The following KANSL2 variants were observed in gnomAD, a reference collection of about 807,000 sequenced individuals.
The protein encoded by KANSL2 is KAT8 regulatory NSL complex subunit 2.
A neutral mutation model predicts 55.6 loss-of-function variants in KANSL2; 34 were observed. That is an observed-to-expected ratio of 0.61 (90% CI 0.46 to 0.81). KANSL2 has a LOEUF of 0.81. Ranked by LOEUF, KANSL2 falls within the 40% of genes least tolerant of loss-of-function variation. The probability of loss-of-function intolerance (pLI) is 0.00; values close to 1 mark genes in which losing one functional copy is unlikely to be tolerated. For synonymous variants in KANSL2, 209 were observed against 214.3 expected (o/e 0.98, Z 0.22); for missense variants, 502 against 609.9 (o/e 0.82, Z 1.86).
intron 7 of KANSL2, among the ~76,000 whole-genome samples, chr12:48,664,472 G>T (rs1159181492): frequency 6.6e-6 from 1 of 151,292 alleles, no homozygotes; most frequent in African/African-American, 2.4e-5. Context: ...TAGAGATGGG[G>T]TTTTGCCGTG....
At chr12:48,672,312 A>G (rs1939727959) in intron 4 of KANSL2, among the ~76,000 whole-genome samples, 1 of 150,404 alleles carries the variant, frequency 6.6e-6, no homozygotes, top group Non-Finnish European at 1.5e-5. Flanking sequence ...TTACCAGTCA[A>G]GACAGCTTTA....
rs775198681 is a variant in KANSL2 at position 48,667,737 on chromosome 12, C to T, written c.929G>A (p.Arg310His). Residue 310 changes from arginine (R) to histidine (H), a missense_variant, in exon 7 of 10, where the codon CGT (arginine) becomes CAT (histidine). Arg to His is a conservative substitution (Grantham distance 29). Coordinates refer to ENST00000420613, the MANE Select transcript of KANSL2 (RefSeq NM_017822.4). ...CATTGGAAGAGACTGATTGGAACAA[C>T]GAACATCATCCACAAAGGCCAAGCA... is the stretch of plus-strand genomic sequence containing the variant. ...QRCLAFVDDV[R>H]CSNQSLPMTR... 1.1e-5 allele frequency: 17 copies of T among 1,613,796 alleles called. No homozygotes were observed. The highest frequency in any genetic ancestry group is 1.4e-5 in the Non-Finnish European group (16 of 1,179,764).
At chr12:48,659,789 A>G (rs1342968522) in intron 8 of KANSL2, among the ~76,000 whole-genome samples, 1 of 152,254 alleles carries the variant, frequency 6.6e-6, no homozygotes, top group Non-Finnish European at 1.5e-5. Flanking sequence ...TGGTATTTCC[A>G]AACAATGGAA....
chr12:48,664,019 A>C (rs967464928), intron 7 of KANSL2, among the ~76,000 whole-genome samples: 2 of 143,970 alleles, frequency 1.4e-5, no homozygotes, highest in African/African-American at 2.6e-5. Flanking sequence ...GGTTCAAGCG[A>C]TTCTCCTGCC....
chr12:48,676,945 T>G (rs1406744877), intron 4 of KANSL2, among the ~76,000 whole-genome samples: 1 of 152,132 alleles, frequency 6.6e-6, no homozygotes, highest in Non-Finnish European at 1.5e-5. Flanking sequence ...AAGACACTGG[T>G]GCCCTAAGAT....
chr12:48,666,626 G>A (rs1711978615), intron 7 of KANSL2, among the ~76,000 whole-genome samples: 2 of 151,966 alleles, frequency 1.3e-5, no homozygotes, highest in Admixed American at 6.6e-5. Flanking sequence ...CCAGGAGGTG[G>A]AAGTTGCAGT....
intron 7 of KANSL2, among the ~76,000 whole-genome samples, chr12:48,666,949 G>A (rs750418962): frequency 7.2e-5 from 11 of 152,048 alleles, no homozygotes; most frequent in Non-Finnish European, 1.6e-4. Context: ...GGGAAGCCAA[G>A]GCGGGTGGAT....
At chr12:48,666,200 G>C (rs111720759) in intron 7 of KANSL2, among the ~76,000 whole-genome samples, 5,112 of 152,090 alleles carry the variant, frequency 0.034, 315 homozygotes, top group African/African-American at 0.12. Context: ...AACAGAGTAA[G>C]ACTCTGTCTC....
chr12:48,662,737 T>G, intron 7 of KANSL2: 1 of 889,280 alleles, frequency 1.1e-6, no homozygotes, highest in Non-Finnish European at 1.5e-6. Context: ...AAAAAAATAC[T>G]TCCCTTCTCT....
rs1251545506 is a variant in KANSL2, at chr12:48,679,712, T to C, written c.373A>G (p.Thr125Ala). 6 of 1,613,296 alleles carry C rather than the reference T, an allele frequency of 3.7e-6. No homozygotes were observed. The highest frequency in any genetic ancestry group is 5.1e-6 in the Non-Finnish European group (6 of 1,179,608). The change falls in exon 3 of 10, where the codon ACA becomes GCA. Residue 125 changes from threonine (T) to alanine (A), a missense_variant. Coordinates refer to ENST00000420613, the MANE Select transcript of KANSL2 (RefSeq NM_017822.4). ...LLCQLSSYAK[T>A]ELGSQTPESS... ...TCTGGAGTCTGAGACCCCAGCTCTG[T>C]CTTAGCATATGAGCTCAGCTGGCAC...
At chr12:48,677,466 C>T (rs149584445) in intron 4 of KANSL2, among the ~76,000 whole-genome samples, 2 of 152,142 alleles carry the variant, frequency 1.3e-5, no homozygotes, top group Non-Finnish European at 2.9e-5. Flanking sequence ...GCAAGTTTGG[C>T]CATCTAGAAC....
In KANSL2 at chr12:48,662,540, G is replaced by C. The variant is rs1247068646; in HGVS notation, c.974-1921C>G. 3.2e-6 allele frequency: 4 copies of C among 1,258,042 alleles called. No individual in the cohort carries two copies. The East Asian group carries it at 2.5e-4, about 77-fold the overall frequency. The allele number at this position is 1,258,042 out of a possible 1,614,324, so 77.9% of individuals were successfully genotyped here. On this transcript the variant is annotated intron_variant, in intron 7 of 9. Coordinates refer to ENST00000420613, the MANE Select transcript of KANSL2 (RefSeq NM_017822.4). ...TCAGATGGGGCAAAAGAGGTAAAAA[G>C]AAGGGAATGGTTAACCTACAACTAG...
At position 48,654,145 on chromosome 12, in the gene KANSL2, T is replaced by C; in HGVS notation, c.1378A>G (p.Arg460Gly). The change falls in exon 10 of 10, where the codon AGA becomes GGA. Residue 460 changes from arginine to glycine, a missense_variant. Transcript: ENST00000420613. ...TCAGAATTTCGAGATCCCTGGGATCTGCACCCATCTCCAGCCATCTGCATC... is the reference window on the plus strand; with the variant it reads ...TCAGAATTTCGAGATCCCTGGGATCCGCACCCATCTCCAGCCATCTGCATC... ...GQMQMAGDGC[R>G]SQGSRNSEKA... 6.2e-7 allele frequency: 1 copy of C among 1,612,074 alleles called. No homozygotes were observed. Among genetic ancestry groups the C allele is most frequent in the Non-Finnish European group, 8.5e-7 (1 of 1,179,262 alleles).
chr12:48,667,119 G>A (rs1939615976), intron 7 of KANSL2, among the ~76,000 whole-genome samples: 1 of 150,606 alleles, frequency 6.6e-6, no homozygotes, highest in Admixed American at 6.6e-5. Context: ...GTGAGGTGGA[G>A]GTTGCAGTGA....
At chr12:48,663,361 T>G (rs1322997544) in intron 7 of KANSL2, among the ~76,000 whole-genome samples, 2 of 152,230 alleles carry the variant, frequency 1.3e-5, no homozygotes, top group African/African-American at 4.8e-5. Flanking sequence ...TGAAATTCAC[T>G]GACTCATTTT....
At position 48,669,125 on chromosome 12, in the gene KANSL2, G is replaced by A. The variant is rs372531388; in HGVS notation, c.857C>T (p.Thr286Ile). 268 of 1,548,202 alleles carry A rather than the reference G, an allele frequency of 1.7e-4. No individual in the cohort carries two copies. Among genetic ancestry groups the A allele is most frequent in the Non-Finnish European group, 2.3e-4 (262 of 1,145,694 alleles). The change falls in exon 6 of 10, where the codon ACA (threonine) becomes ATA (isoleucine). Residue 286 changes from threonine to isoleucine, a missense_variant. Coordinates refer to ENST00000420613, the MANE Select transcript of KANSL2 (RefSeq NM_017822.4). ...RQLKERRMLA[T>I]DGAAQQAHTT... is the part of the protein sequence containing the mutation. ...AATTACCTGTTGGGCAGCACCATCT[G>A]TGGCCAGCATTCTCCGTTCCTTCAA...
chr12:48,681,776 C>T, intron 1 of KANSL2, 135 bp from the exon 2 acceptor site: 2 of 1,098,018 alleles, frequency 1.8e-6, no homozygotes, highest in East Asian at 2.5e-5. Flanking sequence ...TCCCCGCCGC[C>T]CTCCCCAAGT....
At chr12:48,657,120 C>T (rs779752564) in intron 8 of KANSL2, among the ~76,000 whole-genome samples, 5 of 152,110 alleles carry the variant, frequency 3.3e-5, no homozygotes, top group Non-Finnish European at 7.4e-5. Flanking sequence ...CAGTGGCTCA[C>T]GCCTGCAATC....
intron 7 of KANSL2, chr12:48,661,160 G>A: frequency 1.4e-6 from 1 of 715,240 alleles, no homozygotes; most frequent in Non-Finnish European, 1.7e-6. Context: ...AAGTCACTAG[G>A]TATCATATCC....
Sources: allele counts gnomAD v4.1 joint callset (sites outside exome capture counted in the v4.1 genomes callset), GRCh38; gene constraint gnomAD v4.1.1; transcripts MANE v1.5; gene names NCBI Gene and HGNC (gene_info 2026-07-23, HGNC 2026-07-21).